Variants in ZNF226 observed in about 807,000 individuals in gnomAD.
The protein encoded by ZNF226 is Kruppel-associated box protein.
A neutral mutation model predicts 11.4 loss-of-function variants in ZNF226; 6 were observed. The observed-to-expected ratio is 0.53, with a 90% CI of 0.29 to 1.04. The LOEUF (loss-of-function observed/expected upper bound fraction) is 1.04. Among genes scored for constraint, ZNF226 ranks in the 50% least tolerant of loss-of-function variants. The pLI, the probability that ZNF226 is intolerant of heterozygous loss-of-function variation, is 0.08. For synonymous variants in ZNF226, 350 were observed against 322.8 expected, an observed-to-expected ratio of 1.08 and a Z score of -0.90; for missense variants, 1,058 against 956.5, an observed-to-expected ratio of 1.11 and a Z score of -1.40.
chr19:44,172,635 C>T, intron 4 of ZNF226: 1 of 526,654 alleles, frequency 1.9e-6, no homozygotes, highest in East Asian at 3.2e-5. Context: ...GGAAAACAGA[C>T]ATTAGTTAAA....
intron 5 of ZNF226, chr19:44,174,842 CT>C: frequency 1.3e-6 from 1 of 755,278 alleles, no homozygotes; most frequent in Middle Eastern, 2.4e-4. Context: ...GTGCATAGGT[CT>C]TCATGCTTTC....
chr19:44,174,890 CTT>C, intron 5 of ZNF226: 1 of 1,203,358 alleles, frequency 8.3e-7, no homozygotes, highest in South Asian at 1.4e-5. Flanking sequence ...TGATTTTTCT[CTT>C]CAGCAATAAC....
rs1359052063 is a variant in ZNF226, at chr19:44,176,681, G to A, written c.1419G>A (p.Lys473=). The change falls in exon 6 of 6, where the codon AAG becomes AAA. Residue 473 remains lysine (K), a synonymous_variant. Coordinates refer to ENST00000337433, the MANE Select transcript of ZNF226 (RefSeq NM_001032373.2). Reference sequence around the variant, plus strand: ...ATCAGGGAGTTCACACTGGAGAGAAGTCATACATATGTACTGTATGTGGGA... The same window carrying A: ...ATCAGGGAGTTCACACTGGAGAGAAATCATACATATGTACTGTATGTGGGA... ...QAHQGVHTGE[K]SYICTVCGKG... is the part of the protein sequence containing the mutation. 1.2e-6 allele frequency: 2 copies of A among 1,613,696 alleles called. No homozygotes were observed. The highest frequency in any genetic ancestry group is 3.3e-5 in the Admixed American group (2 of 59,968).
At chr19:44,192,634 A>G in the ZNF226 span, among the ~76,000 whole-genome samples, 1 of 152,228 alleles carries the variant, frequency 6.6e-6, no homozygotes, top group Non-Finnish European at 1.5e-5. Context: ...GAATTTGAAA[A>G]GCTTCAAAAG....
At chr19:44,181,735 C>T (rs1414249631), downstream of ZNF226, among the ~76,000 whole-genome samples, 1 of 152,138 alleles carries the variant, frequency 6.6e-6, no homozygotes, top group East Asian at 1.9e-4. Context: ...AGGAGCCCTT[C>T]TTCCTCTATT....
the ZNF226 span, among the ~76,000 whole-genome samples, chr19:44,189,375 G>T: frequency 0.024 from 3,630 of 152,252 alleles, 143 homozygotes; most frequent in African/African-American, 0.082. Flanking sequence ...AACTATGTGC[G>T]TGTTTTCTTA....
the ZNF226 span, among the ~76,000 whole-genome samples, chr19:44,194,091 C>A: frequency 6.6e-6 from 1 of 152,194 alleles, no homozygotes; most frequent in Non-Finnish European, 1.5e-5. Context: ...TCCTAGTTGT[C>A]TAACCTATGA....
chr19:44,179,481 A>G (rs2013194094), downstream of ZNF226, among the ~76,000 whole-genome samples: 1 of 152,236 alleles, frequency 6.6e-6, no homozygotes, highest in Admixed American at 6.5e-5. Context: ...AACTCTGGAA[A>G]TCAATTATAA....
chr19:44,168,720 G>A (rs567046373), intron 2 of ZNF226, among the ~76,000 whole-genome samples: 16 of 152,160 alleles, frequency 1.1e-4, no homozygotes, highest in Non-Finnish European at 2.2e-4. Context: ...ATGTTGGTTT[G>A]TGGGTTTGTC....
Position 44,172,201 on chromosome 19 carries a change from C to G in ZNF226, c.129C>G (p.Asn43Lys). The change falls in exon 4 of 6, where the codon AAC becomes AAG. Residue 43 changes from asparagine to lysine, a missense_variant. Coordinates refer to ENST00000337433, the MANE Select transcript of ZNF226 (RefSeq NM_001032373.2). Reference sequence around the variant, plus strand: ...ATGTGATGGTGGAGAACTTTAGGAACCTGCTGTCAGTGGGTGAGGACAGCC... The same window carrying G: ...ATGTGATGGTGGAGAACTTTAGGAAGCTGCTGTCAGTGGGTGAGGACAGCC... Reference protein sequence around the residue: ...YRDVMVENFRNLLSVGHPPFK... With the variant: ...YRDVMVENFRKLLSVGHPPFK... 6.2e-7 allele frequency: 1 copy of G among 1,611,690 alleles called. No homozygotes were observed. Among genetic ancestry groups the G allele is most frequent in the Non-Finnish European group, 8.5e-7 (1 of 1,178,490 alleles).
At chr19:44,175,141 G>T in intron 5 of ZNF226, 1 of 1,526,204 alleles carries the variant, frequency 6.6e-7, no homozygotes, top group Non-Finnish European at 8.7e-7. Flanking sequence ...ATGACTGCCG[G>T]GCAGTAACTT....
At chr19:44,178,299 A>C (rs1244304720), downstream of ZNF226, 1 of 151,864 alleles carries the variant, frequency 6.6e-6, no homozygotes, top group Non-Finnish European at 1.5e-5. Flanking sequence ...CTTTTGTAAC[A>C]GATAATTGTG....
chr19:44,180,424 A>G (rs977884644), downstream of ZNF226, among the ~76,000 whole-genome samples: 2 of 152,200 alleles, frequency 1.3e-5, no homozygotes, highest in African/African-American at 4.8e-5. Flanking sequence ...CATGCTAAGT[A>G]TGTAAAGTCC....
chr19:44,170,545 G>C (rs2122338057), intron 3 of ZNF226, among the ~76,000 whole-genome samples: 1 of 152,150 alleles, frequency 6.6e-6, no homozygotes, highest in South Asian at 2.1e-4. Context: ...GACCATCCTG[G>C]CTAACATGGA....
intron 3 of ZNF226, among the ~76,000 whole-genome samples, chr19:44,171,856 C>G: frequency 6.6e-6 from 1 of 152,162 alleles, no homozygotes; most frequent in East Asian, 1.9e-4. Context: ...GTAACAGTTC[C>G]AGGAAATTCC....
chr19:44,198,915 C>T, the ZNF226 span, among the ~76,000 whole-genome samples: 2 of 152,106 alleles, frequency 1.3e-5, no homozygotes, highest in Non-Finnish European at 2.9e-5. Context: ...AAGGATTCTC[C>T]TGCCTCAGTC....
downstream of ZNF226, among the ~76,000 whole-genome samples, chr19:44,180,284 C>T (rs976646773): frequency 2.6e-5 from 4 of 152,118 alleles, no homozygotes; most frequent in African/African-American, 7.2e-5. Context: ...CCATTTCTTT[C>T]TTAGGCGTTT....
the ZNF226 span, among the ~76,000 whole-genome samples, chr19:44,195,787 G>A: frequency 1.3e-5 from 2 of 152,164 alleles, no homozygotes; most frequent in Non-Finnish European, 2.9e-5. Flanking sequence ...ACCTTCCCTG[G>A]CTCCATTTGT....
chr19:44,183,012 T>C (rs1422522899), downstream of ZNF226, among the ~76,000 whole-genome samples: 7 of 152,160 alleles, frequency 4.6e-5, no homozygotes, highest in African/African-American at 2.4e-5. Flanking sequence ...TTGAATGAAG[T>C]GTAGGTCAAG....
Sources: gnomAD v4.1 joint callset for allele counts (sites outside exome capture counted in the v4.1 genomes callset) on GRCh38, gnomAD v4.1.1 for gene constraint, MANE v1.5 for transcripts, NCBI Gene and HGNC (gene_info 2026-07-23, HGNC 2026-07-21) for gene names.